Variants in SLC7A1 observed in about 807,000 individuals in gnomAD.
SLC7A1 encodes solute carrier family 7 member 1, also known as high affinity cationic amino acid transporter 1.
A neutral mutation model predicts 53.9 loss-of-function variants in SLC7A1; 10 were observed. The observed-to-expected ratio is 0.19, with a 90% CI of 0.11 to 0.31. The LOEUF is 0.31. Ranked by LOEUF, SLC7A1 falls within the 10% of genes least tolerant of loss-of-function variation. The pLI, the probability that SLC7A1 is intolerant of heterozygous loss-of-function variation, is 1.00. For missense variants in SLC7A1, 525 were observed against 827.2 expected (o/e 0.63, Z 4.48); for synonymous variants, 342 against 338.7 (o/e 1.01, Z -0.11).
intron 2 of SLC7A1, among the ~76,000 whole-genome samples, chr13:29,552,738 A>T (rs1389716059): frequency 6.6e-6 from 1 of 152,222 alleles, no homozygotes; most frequent in Non-Finnish European, 1.5e-5. Flanking sequence ...CTATAGAAAT[A>T]ATGCTTATCA....
At chr13:29,572,964 A>G (rs1454030894) in intron 1 of SLC7A1, among the ~76,000 whole-genome samples, 3 of 152,236 alleles carry the variant, frequency 2.0e-5, no homozygotes, top group Non-Finnish European at 4.4e-5. Context: ...AGAAGCTCAA[A>G]GCTGTCAGAT....
intron 1 of SLC7A1, among the ~76,000 whole-genome samples, chr13:29,577,791 C>T (rs1284847292): frequency 4.6e-5 from 7 of 152,188 alleles, no homozygotes; most frequent in Non-Finnish European, 1.0e-4. Flanking sequence ...GCTCACAAAG[C>T]AGGCTTTGTG....
chr13:29,533,691 C>T (rs931257150), intron 3 of SLC7A1, among the ~76,000 whole-genome samples: 5 of 152,122 alleles, frequency 3.3e-5, no homozygotes, highest in Non-Finnish European at 7.4e-5. Flanking sequence ...CTGCACCCTC[C>T]GGTGCCGAAG....
At chr13:29,524,735 AT>A (rs1243287719) in intron 5 of SLC7A1, among the ~76,000 whole-genome samples, 1 of 152,232 alleles carries the variant, frequency 6.6e-6, no homozygotes, top group East Asian at 1.9e-4. Flanking sequence ...CAGCAAAGGC[AT>A]TCCTTAACTG....
chr13:29,560,463 A>ATAT (rs1290000146), intron 1 of SLC7A1, among the ~76,000 whole-genome samples: 2 of 150,074 alleles, frequency 1.3e-5, no homozygotes, highest in African/African-American at 4.9e-5. Flanking sequence ...ATACATACAT[A>ATAT]TATTACATTA....
intron 3 of SLC7A1, 54 bp downstream of exon 3, chr13:29,535,765 G>A: frequency 2.6e-6 from 4 of 1,567,132 alleles, no homozygotes; most frequent in Non-Finnish European, 3.5e-6. Flanking sequence ...CTTTGGAGGT[G>A]GGAACAAACA....
chr13:29,517,863 AT>A, intron 9 of SLC7A1, 73 bp from the exon 10 acceptor site: 1 of 1,210,746 alleles, frequency 8.3e-7, no homozygotes. Context: ...CAAGTTCTCA[AT>A]AAGCCTCCAA....
Position 29,523,289 on chromosome 13 carries a change from G to C in SLC7A1, c.1026C>G (p.Gly342=). ...ACCTGGCGGAAAGAGCGCAGAGGGA[G>C]CCCACGGCCACTGCGTACTTGGCAC... ...WEGAKYAVAV[G]SLCALSASLL... Residue 342 remains glycine, a synonymous_variant, in exon 7 of 13, where the codon GGC becomes GGG. Coordinates refer to ENST00000380752, the MANE Select transcript of SLC7A1 (RefSeq NM_003045.5). 6.2e-7 allele frequency: 1 copy of C among 1,613,464 alleles called. No individual in the cohort carries two copies. The highest frequency in any genetic ancestry group is 1.1e-5 in the South Asian group (1 of 91,074).
intron 1 of SLC7A1, among the ~76,000 whole-genome samples, chr13:29,585,272 C>T (rs1222041899): frequency 6.6e-6 from 1 of 152,146 alleles, no homozygotes; most frequent in Non-Finnish European, 1.5e-5. Context: ...ACTCCCATCC[C>T]CTAGTGCCAG....
intron 4 of SLC7A1, among the ~76,000 whole-genome samples, chr13:29,531,439 T>C (rs1869158826): frequency 6.6e-6 from 1 of 152,168 alleles, no homozygotes; most frequent in East Asian, 1.9e-4. Context: ...CTTCCATAGC[T>C]GAACTCTCTG....
intron 2 of SLC7A1, among the ~76,000 whole-genome samples, chr13:29,541,046 A>C (rs574503136): frequency 6.6e-6 from 1 of 152,064 alleles, no homozygotes; most frequent in Non-Finnish European, 1.5e-5. Context: ...CAGCTGAGTG[A>C]GCTGCAGCCA....
At chr13:29,573,172 T>C (rs1231156432) in intron 1 of SLC7A1, among the ~76,000 whole-genome samples, 1 of 152,206 alleles carries the variant, frequency 6.6e-6, no homozygotes, top group East Asian at 1.9e-4. Flanking sequence ...TGATGACATA[T>C]ATCTGATAAA....
intron 1 of SLC7A1, among the ~76,000 whole-genome samples, chr13:29,579,967 T>A (rs2139180799): frequency 1.3e-5 from 2 of 152,272 alleles, no homozygotes; most frequent in East Asian, 1.9e-4. Context: ...CTGATCGTGG[T>A]TGTTCCCACT....
At chr13:29,577,276 G>A (rs575613876) in intron 1 of SLC7A1, among the ~76,000 whole-genome samples, 28 of 151,592 alleles carry the variant, frequency 1.8e-4, no homozygotes, top group African/African-American at 6.6e-4. Flanking sequence ...GGCCAGGCTG[G>A]CATCCAGCTC....
intron 1 of SLC7A1, among the ~76,000 whole-genome samples, chr13:29,584,140 G>C (rs1407758855): frequency 6.7e-6 from 1 of 149,048 alleles, no homozygotes; most frequent in African/African-American, 2.5e-5. Flanking sequence ...TTGAGACGGA[G>C]TCTCACTCTG....
intron 1 of SLC7A1, among the ~76,000 whole-genome samples, chr13:29,574,435 G>T (rs968265849): frequency 2.0e-5 from 3 of 152,192 alleles, no homozygotes; most frequent in Non-Finnish European, 4.4e-5. Context: ...TCATCTGTGG[G>T]AGTTATGGCC....
chr13:29,594,382 T>C (rs941694472), intron 1 of SLC7A1, among the ~76,000 whole-genome samples: 2 of 152,102 alleles, frequency 1.3e-5, no homozygotes, highest in African/African-American at 2.4e-5. Flanking sequence ...TATTGGGAAA[T>C]GTAGGTTATT....
intron 9 of SLC7A1, 139 bp from the exon 10 acceptor site, chr13:29,517,929 C>T: frequency 3.0e-6 from 2 of 673,628 alleles, no homozygotes; most frequent in South Asian, 3.6e-5. Flanking sequence ...TCAAATGCTG[C>T]ATTGTAGATA....
At chr13:29,535,718 T>G in intron 3 of SLC7A1, 101 bp downstream of exon 3, 1 of 1,202,648 alleles carries the variant, frequency 8.3e-7, no homozygotes, top group South Asian at 1.5e-5. Context: ...CCTCTCGTGT[T>G]AACAAGAATG....
Sources: allele counts gnomAD v4.1 joint callset (sites outside exome capture counted in the v4.1 genomes callset), GRCh38; gene constraint gnomAD v4.1.1; transcripts MANE v1.5; gene names NCBI Gene and HGNC (gene_info 2026-07-23, HGNC 2026-07-21).